Variants in GALNT11 observed in about 807,000 individuals in gnomAD.
GALNT11 encodes the protein polypeptide N-acetylgalactosaminyltransferase 11.
In GALNT11, 47 loss-of-function variants were observed where a neutral mutation model predicts 72.7. The ratio of observed to expected loss-of-function variants is 0.65; its 90% CI spans 0.51 to 0.82. The LOEUF (loss-of-function observed/expected upper bound fraction) is 0.82, where lower values mean the gene tolerates loss of function less well. GALNT11 is among the 40% of genes least tolerant of loss of function. The pLI, the probability that GALNT11 is intolerant of heterozygous loss-of-function variation, is 0.00. For synonymous variants in GALNT11, 270 were observed against 286.6 expected (o/e 0.94, Z 0.58); for missense variants, 677 against 778.4 (o/e 0.87, Z 1.55).
intron 1 of GALNT11, among the ~76,000 whole-genome samples, chr7:152,083,680 T>G (rs2085454464): frequency 6.6e-6 from 1 of 152,170 alleles, no homozygotes; most frequent in Non-Finnish European, 1.5e-5. Context: ...ATTTATTCTT[T>G]TCCAAATGAA....
intron 1 of GALNT11, among the ~76,000 whole-genome samples, chr7:152,042,078 C>CAT (rs2082888500): frequency 2.0e-5 from 3 of 152,204 alleles, no homozygotes; most frequent in Admixed American, 2.0e-4. Context: ...GCTTGCCCTA[C>CAT]ATATATCTGG....
chr7:152,102,861 A>G (rs1466193065), intron 3 of GALNT11, among the ~76,000 whole-genome samples: 2 of 151,598 alleles, frequency 1.3e-5, no homozygotes, highest in Non-Finnish European at 2.9e-5. Flanking sequence ...CATGCCTGTA[A>G]TCCCAGCTCC....
At chr7:152,051,144 G>A (rs1411110847) in intron 1 of GALNT11, among the ~76,000 whole-genome samples, 4 of 150,512 alleles carry the variant, frequency 2.7e-5, no homozygotes, top group African/African-American at 9.8e-5. Context: ...ATGATTGGTG[G>A]AGGCTTCCAT....
chr7:152,113,215 A>G, intron 7 of GALNT11, 31 bp from the exon 8 acceptor site: 1 of 1,571,174 alleles, frequency 6.4e-7, no homozygotes, highest in Non-Finnish European at 8.6e-7. Context: ...ACATGAGGCA[A>G]CTGTTAACAC....
chr7:152,041,716 C>CT (rs1212862341), intron 1 of GALNT11, among the ~76,000 whole-genome samples: 2 of 152,204 alleles, frequency 1.3e-5, no homozygotes, highest in Non-Finnish European at 2.9e-5. Flanking sequence ...AGGATCTCCT[C>CT]TAAGGATAGA....
At chr7:152,030,039 G>C (rs1051194278) in intron 1 of GALNT11, among the ~76,000 whole-genome samples, 52 of 152,226 alleles carry the variant, frequency 3.4e-4, no homozygotes, top group African/African-American at 1.2e-3. Context: ...GCTTTTAAAG[G>C]AATAGGGTGT....
intron 1 of GALNT11, among the ~76,000 whole-genome samples, chr7:152,033,695 T>C (rs2082415766): frequency 6.6e-6 from 1 of 152,180 alleles, no homozygotes. Flanking sequence ...TTCCTAATTC[T>C]CCTTAGTCCT....
Position 152,122,054 on chromosome 7 carries a change from G to C in GALNT11, c.*377G>C, listed in dbSNP as rs2089464888. 6.1e-6 allele frequency: 1 copy of C among 163,176 alleles called. No homozygotes were observed. The highest frequency in any genetic ancestry group is 1.3e-5 in the Non-Finnish European group (1 of 75,274). 10.1% of individuals were successfully genotyped at this position (163,176 alleles called of 1,614,324 possible). Reference sequence around the variant, plus strand: ...CCAGGAAAATGGATATTTCTATTCAGATTTATTTATGCCTCTTTTTAATCC... The same window carrying C: ...CCAGGAAAATGGATATTTCTATTCACATTTATTTATGCCTCTTTTTAATCC... On this transcript the variant is annotated 3_prime_UTR_variant, in exon 12 of 12. Transcript: ENST00000430044.
At chr7:152,068,796 T>C (rs2129007082) in intron 1 of GALNT11, among the ~76,000 whole-genome samples, 1 of 152,162 alleles carries the variant, frequency 6.6e-6, no homozygotes, top group South Asian at 2.1e-4. Context: ...TTCATTGATT[T>C]CTATTTTAAT....
intron 1 of GALNT11, among the ~76,000 whole-genome samples, chr7:152,027,095 A>G (rs2082056169): frequency 2.0e-5 from 3 of 152,044 alleles, no homozygotes; most frequent in African/African-American, 7.2e-5. Context: ...TAAAAATACA[A>G]AAAATAAGCC....
At chr7:152,106,473 T>C (rs931227360) in intron 5 of GALNT11, among the ~76,000 whole-genome samples, 1 of 152,196 alleles carries the variant, frequency 6.6e-6, no homozygotes. Flanking sequence ...AAGCAGCTCC[T>C]CTACATCCTA....
At chr7:152,064,387 G>T (rs2129002406) in intron 1 of GALNT11, among the ~76,000 whole-genome samples, 1 of 152,290 alleles carries the variant, frequency 6.6e-6, no homozygotes, top group Admixed American at 6.5e-5. Context: ...ATAGCACACT[G>T]ATGGGTCTTG....
intron 7 of GALNT11, among the ~76,000 whole-genome samples, 190 bp from the exon 8 acceptor site, chr7:152,113,056 A>C (rs2088416729): frequency 6.6e-6 from 1 of 152,208 alleles, no homozygotes; most frequent in South Asian, 2.1e-4. Context: ...TGTAATGATA[A>C]AGACAGACAA....
chr7:152,041,485 C>G (rs545176826), intron 1 of GALNT11, among the ~76,000 whole-genome samples: 1 of 152,234 alleles, frequency 6.6e-6, no homozygotes, highest in African/African-American at 2.4e-5. Context: ...TGACTTGATC[C>G]AAATAAGGAG....
intron 1 of GALNT11, among the ~76,000 whole-genome samples, chr7:152,084,228 T>C (rs1763945478): frequency 6.6e-6 from 1 of 151,742 alleles, no homozygotes; most frequent in South Asian, 2.1e-4. Flanking sequence ...TTTTAATAAG[T>C]TGTATTTTCT....
At chr7:152,117,540 AGTG>A in intron 9 of GALNT11, 165 bp downstream of exon 9, 10 of 678,240 alleles carry the variant, frequency 1.5e-5, no homozygotes, top group Non-Finnish European at 2.5e-5. Flanking sequence ...TCTCTACGCA[AGTG>A]TAGGACCTCA....
intron 1 of GALNT11, among the ~76,000 whole-genome samples, chr7:152,046,494 G>A (rs536029257): frequency 5.6e-4 from 85 of 152,076 alleles, no homozygotes; most frequent in African/African-American, 1.6e-3. Flanking sequence ...TATTGGGTGC[G>A]TATATATTCA....
chr7:152,039,618 T>C (rs537065781), intron 1 of GALNT11, among the ~76,000 whole-genome samples: 1 of 137,518 alleles, frequency 7.3e-6, no homozygotes, highest in Non-Finnish European at 1.5e-5. Context: ...CTCATGACAG[T>C]TGGCATCCTC....
intron 5 of GALNT11, chr7:152,107,778 T>C: frequency 3.1e-6 from 1 of 324,852 alleles, no homozygotes; most frequent in Non-Finnish European, 5.8e-6. Flanking sequence ...CTGAATTGCC[T>C]GTCAGTTTTT....
Sources: gnomAD v4.1 joint callset for allele counts (sites outside exome capture counted in the v4.1 genomes callset) on GRCh38, gnomAD v4.1.1 for gene constraint, MANE v1.5 for transcripts, NCBI Gene and HGNC (gene_info 2026-07-23, HGNC 2026-07-21) for gene names.